Variants in CWF19L1 observed in about 807,000 individuals in gnomAD.
The protein encoded by CWF19L1 is CWF19-like protein 1.
Under a neutral mutation model 69.7 loss-of-function variants are expected in CWF19L1, and 60 were observed. The ratio of observed to expected loss-of-function variants is 0.86; its 90% CI spans 0.70 to 1.07. The LOEUF is 1.07. Among genes scored for constraint, CWF19L1 ranks in the 50% least tolerant of loss-of-function variants. The pLI, the probability that CWF19L1 is intolerant of heterozygous loss-of-function variation, is 0.00. For missense variants in CWF19L1, 591 were observed against 638.9 expected (o/e 0.92, Z 0.81); for synonymous variants, 209 against 222.2 (o/e 0.94, Z 0.53).
rs1204410750 is a variant in CWF19L1 at position 100,256,457 on chromosome 10, A to G, written c.309T>C (p.Thr103=). The change falls in exon 5 of 14, where the codon ACT becomes ACC. Residue 103 remains threonine, a synonymous_variant. Transcript: ENST00000354105. ...ACACAATCTGCAGCCCCGAGCTTCC[A>G]GTGAAGATACCTTTACGACCTGGGT... ...ITYLGRKGIF[T]GSSGLQIVYL... 2.5e-6 allele frequency: 4 copies of G among 1,614,228 alleles called. No individual in the cohort carries two copies. The highest frequency in any genetic ancestry group is 3.4e-6 in the Non-Finnish European group (4 of 1,180,030).
At chr10:100,248,387 C>A in intron 7 of CWF19L1, 2 of 775,804 alleles carry the variant, frequency 2.6e-6, no homozygotes, top group South Asian at 1.4e-5. Flanking sequence ...TTGACCGATT[C>A]CATGGAGTAC....
Position 100,267,625 on chromosome 10 carries a change from C to G in CWF19L1, c.-32G>C. ...GAATAGTATGGGTTGCGACTGCCACCTAAAATTGGGAATGCGAATCCGCGC... is the reference window on the plus strand; with the variant it reads ...GAATAGTATGGGTTGCGACTGCCACGTAAAATTGGGAATGCGAATCCGCGC... On this transcript the variant is annotated 5_prime_UTR_variant, in exon 1 of 14. Transcript: ENST00000354105. 1 of 1,614,078 alleles carries G rather than the reference C, an allele frequency of 6.2e-7. No homozygotes were observed. The highest frequency in any genetic ancestry group is 8.5e-7 in the Non-Finnish European group (1 of 1,179,954).
At chr10:100,256,158 A>T in intron 5 of CWF19L1, 104 bp downstream of exon 5, 5 of 825,452 alleles carry the variant, frequency 6.1e-6, no homozygotes, top group Admixed American at 2.3e-5. Context: ...AATAAAAGGT[A>T]CCCAAGAGCT....
intron 2 of CWF19L1, 120 bp downstream of exon 2, chr10:100,261,859 G>A: frequency 2.6e-6 from 2 of 774,548 alleles, no homozygotes; most frequent in South Asian, 4.0e-5. Flanking sequence ...CTATGCTCAT[G>A]AAGGGAACTC....
intron 7 of CWF19L1, 71 bp from the exon 8 acceptor site, chr10:100,247,006 T>C: frequency 2.2e-6 from 3 of 1,363,794 alleles, no homozygotes; most frequent in South Asian, 3.0e-5. Flanking sequence ...CCTATTTTAC[T>C]GTGAAGATTT....
At chr10:100,263,245 G>A (rs1325841280) in intron 1 of CWF19L1, among the ~76,000 whole-genome samples, 2 of 152,134 alleles carry the variant, frequency 1.3e-5, no homozygotes, top group African/African-American at 4.8e-5. Context: ...GCCCTGACCT[G>A]TCACCTTTCT....
chr10:100,245,211 A>G (rs563727642), intron 9 of CWF19L1, among the ~76,000 whole-genome samples: 2 of 151,570 alleles, frequency 1.3e-5, no homozygotes, highest in South Asian at 4.2e-4. Context: ...TTAGTAGAGA[A>G]GGGGTTTCAC....
chr10:100,250,871 C>G (rs1448898284), intron 6 of CWF19L1, among the ~76,000 whole-genome samples: 1 of 151,562 alleles, frequency 6.6e-6, no homozygotes, highest in Non-Finnish European at 1.5e-5. Flanking sequence ...TCACTTGAGC[C>G]CACGAGGTTG....
At chr10:100,263,628 T>C (rs1441698717) in intron 1 of CWF19L1, among the ~76,000 whole-genome samples, 2 of 152,208 alleles carry the variant, frequency 1.3e-5, no homozygotes, top group East Asian at 3.8e-4. Context: ...CTCTGGGAGA[T>C]CCACTGTCCA....
chr10:100,263,142 C>T (rs1416747741), intron 1 of CWF19L1, among the ~76,000 whole-genome samples: 1 of 152,290 alleles, frequency 6.6e-6, no homozygotes, highest in Non-Finnish European at 1.5e-5. Context: ...TTCTCTTCCT[C>T]CTGTCCATCC....
At chr10:100,248,766 G>A in intron 7 of CWF19L1, 5 of 1,407,956 alleles carry the variant, frequency 3.6e-6, no homozygotes. Context: ...ACGTGTCCTT[G>A]ACACATCTGA....
At chr10:100,233,494 C>T (rs1396136490) in intron 13 of CWF19L1, 123 bp from the exon 14 acceptor site, 1 of 868,428 alleles carries the variant, frequency 1.2e-6, no homozygotes, top group African/African-American at 1.7e-5. Context: ...CCATCTCTGC[C>T]ATACTATTGA....
Position 100,267,600 on chromosome 10 carries a change from GA to G in CWF19L1, c.-8del, listed in dbSNP as rs1326869474. ...GCAGCGGTTTCTGTGCCATCTGTCC[GA>G]ATAGTATGGGTTGCGACTGCCACCT... On this transcript the variant is annotated 5_prime_UTR_variant, in exon 1 of 14. Coordinates refer to ENST00000354105, the MANE Select transcript of CWF19L1 (RefSeq NM_018294.6). 6.2e-7 allele frequency: 1 copy of G among 1,614,052 alleles called. No homozygotes were observed. The highest frequency in any genetic ancestry group is 2.2e-5 in the East Asian group (1 of 44,904).
chr10:100,242,805 A>T (rs566308192), intron 10 of CWF19L1, among the ~76,000 whole-genome samples: 2 of 152,336 alleles, frequency 1.3e-5, no homozygotes, highest in South Asian at 4.1e-4. Context: ...AAAGAAAATC[A>T]CTTTAAATGG....
intron 7 of CWF19L1, among the ~76,000 whole-genome samples, chr10:100,249,546 T>C (rs1424166604): frequency 2.6e-5 from 4 of 152,158 alleles, no homozygotes; most frequent in Non-Finnish European, 5.9e-5. Context: ...CCTCAGGAAA[T>C]CTTAGCCCTA....
intron 5 of CWF19L1, chr10:100,253,882 T>TTG (rs1847123988): frequency 5.8e-6 from 1 of 173,106 alleles, no homozygotes; most frequent in African/African-American, 2.4e-5. Context: ...TTTGGTTTGT[T>TTG]TTTTTTTTTT....
intron 13 of CWF19L1, among the ~76,000 whole-genome samples, chr10:100,235,196 G>A (rs1846392063): frequency 6.6e-6 from 1 of 152,206 alleles, no homozygotes; most frequent in African/African-American, 2.4e-5. Context: ...CACTGCTCTA[G>A]AGCCTCATTT....
At chr10:100,263,659 CTCA>C (rs1157565196) in intron 1 of CWF19L1, among the ~76,000 whole-genome samples, 1 of 151,556 alleles carries the variant, frequency 6.6e-6, no homozygotes, top group African/African-American at 2.4e-5. Context: ...CACCAGGTGC[CTCA>C]TCTCCTCATC....
chr10:100,249,582 GTTTC>G (rs1846953323), intron 7 of CWF19L1, among the ~76,000 whole-genome samples: 1 of 151,756 alleles, frequency 6.6e-6, no homozygotes, highest in Non-Finnish European at 1.5e-5. Context: ...AGTCCTCTGG[GTTTC>G]TTTTTTTTTG....
Sources: allele counts gnomAD v4.1 joint callset (sites outside exome capture counted in the v4.1 genomes callset), GRCh38; gene constraint gnomAD v4.1.1; transcripts MANE v1.5; gene names NCBI Gene and HGNC (gene_info 2026-07-23, HGNC 2026-07-21).